UST: variants seen among roughly 807,000 people sequenced by gnomAD.
UST encodes the protein chondroitin sulfate 2-O-sulfotransferase.
UST carries 21 observed loss-of-function variants against 45.6 expected under a neutral mutation model. The observed-to-expected ratio is 0.46, with a 90% CI of 0.33 to 0.66. UST has a LOEUF of 0.66. Among genes scored for constraint, UST ranks in the 30% least tolerant of loss-of-function variants. The pLI, the probability that UST is intolerant of heterozygous loss-of-function variation, is 0.02. For synonymous variants in UST, 215 were observed against 200.6 expected (o/e 1.07, Z -0.61); for missense variants, 463 against 512.4 (o/e 0.90, Z 0.93).
At chr6:148,864,413 T>C (rs1024232539) in intron 1 of UST, among the ~76,000 whole-genome samples, 2 of 152,244 alleles carry the variant, frequency 1.3e-5, no homozygotes, top group African/African-American at 4.8e-5. Context: ...ACAGCTTCCC[T>C]TGGCTAGGAA....
chr6:148,861,929 G>A (rs372773257), intron 1 of UST, among the ~76,000 whole-genome samples: 2,039 of 111,396 alleles, frequency 0.018, 30 homozygotes, highest in Admixed American at 0.036. Context: ...TATGTGGTCA[G>A]TTTTGGAATA....
chr6:148,854,755 A>C (rs547307292), intron 1 of UST, among the ~76,000 whole-genome samples: 1 of 152,218 alleles, frequency 6.6e-6, no homozygotes, highest in South Asian at 2.1e-4. Context: ...GTAATACACA[A>C]AACTTGGGTC....
chr6:148,865,395 A>G (rs1403852777), intron 1 of UST, among the ~76,000 whole-genome samples: 2 of 152,246 alleles, frequency 1.3e-5, no homozygotes, highest in African/African-American at 2.4e-5. Context: ...AAATGAATCA[A>G]GTGTTGCATT....
chr6:149,027,763 T>A (rs1160716506), intron 7 of UST: 1 of 150,542 alleles, frequency 6.6e-6, no homozygotes, highest in Admixed American at 6.6e-5. Context: ...TCTCTCTTCA[T>A]AACACACACA....
At chr6:148,961,848 A>G (rs1780665808) in intron 4 of UST, among the ~76,000 whole-genome samples, 1 of 152,234 alleles carries the variant, frequency 6.6e-6, no homozygotes, top group Non-Finnish European at 1.5e-5. Context: ...GTTTTAAATT[A>G]CTTAGAGGAG....
At chr6:148,960,650 A>G (rs1364430753) in intron 4 of UST, among the ~76,000 whole-genome samples, 1 of 152,244 alleles carries the variant, frequency 6.6e-6, no homozygotes, top group Non-Finnish European at 1.5e-5. Flanking sequence ...TGACTTCACA[A>G]CAATGTGAAT....
intron 1 of UST, among the ~76,000 whole-genome samples, chr6:148,798,220 T>C (rs1015039201): frequency 2.0e-5 from 3 of 152,200 alleles, no homozygotes; most frequent in Non-Finnish European, 4.4e-5. Context: ...GAATGTGGAC[T>C]CAGGGTGAGT....
intron 5 of UST, among the ~76,000 whole-genome samples, chr6:149,006,968 T>C (rs1005721622): frequency 1.3e-5 from 2 of 152,252 alleles, no homozygotes; most frequent in Non-Finnish European, 2.9e-5. Context: ...TTCTGAATGA[T>C]TTTAGGAACT....
chr6:148,752,844 G>T (rs1039612100), intron 1 of UST, among the ~76,000 whole-genome samples: 1 of 152,186 alleles, frequency 6.6e-6, no homozygotes, highest in Admixed American at 6.5e-5. Context: ...CATCTTATTT[G>T]ATGGATTGTA....
At chr6:148,747,765 G>C in intron 1 of UST, 88 bp downstream of exon 1, 1 of 1,423,648 alleles carries the variant, frequency 7.0e-7, no homozygotes, top group Non-Finnish European at 9.2e-7. Flanking sequence ...TTCTCGCGCT[G>C]CCACCGCGCG....
chr6:148,785,323 T>C (rs1482548857), intron 1 of UST, among the ~76,000 whole-genome samples: 1 of 152,210 alleles, frequency 6.6e-6, no homozygotes, highest in Non-Finnish European at 1.5e-5. Context: ...AGCCCAAGAT[T>C]TGATTCCTGA....
intron 1 of UST, among the ~76,000 whole-genome samples, chr6:148,778,621 C>T (rs1776579240): frequency 6.6e-6 from 1 of 152,172 alleles, no homozygotes; most frequent in East Asian, 1.9e-4. Flanking sequence ...GGGGTGCAGT[C>T]CTGTGACAAT....
rs1016184708 is a variant in UST at position 148,748,567 on chromosome 6, G to C, written c.247+890G>C. 1.3e-5 allele frequency among the ~76,000 whole-genome samples: 2 copies of C among 152,108 alleles called. No individual in the cohort carries two copies. The highest frequency in any genetic ancestry group is 4.8e-5 in the African/African-American group (2 of 41,422). On this transcript the variant is annotated intron_variant, in intron 1 of 7. Transcript: ENST00000367463. This position sits in a 1 kb window ranked among gnomAD's most constrained non-coding sequence, Gnocchi z 5.3. Reference sequence around the variant, plus strand: ...ACCCCGCAGCTCCCTCGTCTCGGCTGCGGGAGCCAGGGGTGCCAGGGACAG... The same window carrying C: ...ACCCCGCAGCTCCCTCGTCTCGGCTCCGGGAGCCAGGGGTGCCAGGGACAG...
At chr6:149,070,983 G>T (rs1295633527) in intron 7 of UST, among the ~76,000 whole-genome samples, 1 of 152,074 alleles carries the variant, frequency 6.6e-6, no homozygotes, top group Non-Finnish European at 1.5e-5. Context: ...GGCCTGGATG[G>T]TCTCGATCTC....
At chr6:149,002,130 A>G (rs1486729345) in intron 5 of UST, among the ~76,000 whole-genome samples, 2 of 151,218 alleles carry the variant, frequency 1.3e-5, no homozygotes, top group Admixed American at 1.3e-4. Context: ...AGAGTCATCC[A>G]TGTGTTTGAA....
intron 2 of UST, among the ~76,000 whole-genome samples, chr6:148,935,608 T>C (rs570915065): frequency 1.7e-4 from 26 of 152,342 alleles, no homozygotes; most frequent in African/African-American, 6.3e-4. Flanking sequence ...CTTGTCCTGA[T>C]AGACATTCCA....
chr6:148,871,844 T>G (rs893376636), intron 1 of UST, among the ~76,000 whole-genome samples: 2 of 152,164 alleles, frequency 1.3e-5, no homozygotes, highest in Non-Finnish European at 2.9e-5. Context: ...TGTGACCACT[T>G]AGGGTCAAAA....
rs552747763 is a variant in UST at position 149,057,269 on chromosome 6, C to T, written c.938-16564C>T. The stretch of plus-strand genomic sequence containing the variant: ...AATTTCAAGTGCACTAAATGTTTTA[C>T]GAGCAACCATACTCCCATATTAAGG... On this transcript the variant is annotated intron_variant, in intron 7 of 7. Transcript: ENST00000367463. 1.5e-3 allele frequency among the ~76,000 whole-genome samples: 225 copies of T among 152,210 alleles called. 2 individuals carry two copies. Among genetic ancestry groups the T allele is most frequent in the South Asian group, 7.7e-3 (37 of 4,822 alleles).
chr6:148,981,085 G>T (rs1781124535), intron 5 of UST, among the ~76,000 whole-genome samples: 1 of 152,090 alleles, frequency 6.6e-6, no homozygotes, highest in East Asian at 1.9e-4. Flanking sequence ...ATTCTCATCT[G>T]CAGTCTCTCA....
Sources: allele counts gnomAD v4.1 joint callset (sites outside exome capture counted in the v4.1 genomes callset), GRCh38; gene constraint gnomAD v4.1.1; non-coding constraint Gnocchi (gnomAD v3.1); transcripts MANE v1.5; gene names NCBI Gene and HGNC (gene_info 2026-07-23, HGNC 2026-07-21).